The following THEMIS variants were observed in gnomAD, a reference collection of about 807,000 sequenced individuals.
The protein encoded by THEMIS is protein THEMIS.
Under a neutral mutation model 52.6 loss-of-function variants are expected in THEMIS, and 37 were observed. The observed-to-expected ratio is 0.70, with a 90% CI of 0.54 to 0.93. The LOEUF is 0.93. THEMIS is among the 40% of genes least tolerant of loss of function. The pLI, the probability that THEMIS is intolerant of heterozygous loss-of-function variation, is 0.00. For missense variants in THEMIS, 808 were observed against 763.1 expected, an observed-to-expected ratio of 1.06 and a Z score of -0.69; for synonymous variants, 292 against 272.7, an observed-to-expected ratio of 1.07 and a Z score of -0.70.
intron 4 of THEMIS, among the ~76,000 whole-genome samples, chr6:127,737,388 C>T (rs1426130832): frequency 4.6e-5 from 7 of 152,120 alleles, no homozygotes; most frequent in Non-Finnish European, 1.0e-4. Flanking sequence ...CAGTTGGCAC[C>T]TTTTCTTGAT....
chr6:127,719,474 A>G (rs753164393), intron 5 of THEMIS, among the ~76,000 whole-genome samples: 2 of 152,122 alleles, frequency 1.3e-5, no homozygotes, highest in Middle Eastern at 3.4e-3. Flanking sequence ...AAAATCTAAT[A>G]GTGGAAAACA....
intron 1 of THEMIS, among the ~76,000 whole-genome samples, chr6:127,878,539 T>A (rs1338683752): frequency 6.6e-6 from 1 of 152,214 alleles, no homozygotes; most frequent in East Asian, 1.9e-4. Context: ...GGTAAGAGAC[T>A]GATAGCTATC....
chr6:127,808,711 C>T (rs1046100139), intron 4 of THEMIS, among the ~76,000 whole-genome samples: 8 of 152,186 alleles, frequency 5.3e-5, no homozygotes, highest in East Asian at 1.9e-4. Flanking sequence ...TACCCCCACT[C>T]GTGTCCCTGC....
At chr6:127,756,666 T>C (rs546353111) in intron 4 of THEMIS, among the ~76,000 whole-genome samples, 1 of 152,364 alleles carries the variant, frequency 6.6e-6, no homozygotes, top group Non-Finnish European at 1.5e-5. Context: ...TATTTTAATA[T>C]GCAGGTCAAA....
In THEMIS at chr6:127,899,394, A is replaced by G. The variant is rs539321270; in HGVS notation, c.91+1448T>C. Among the ~76,000 whole-genome samples, 8 of 152,076 alleles carry G rather than the reference A, an allele frequency of 5.3e-5. No individual in the cohort carries two copies. In the South Asian group the frequency reaches 1.7e-3, roughly 31 times the overall value. On this transcript the variant is annotated intron_variant, in intron 1 of 5. Transcript: ENST00000368248. ...TTACAAAAATAGTGTGTTTGGGGGC[A>G]GCTAAGAAAAAAAATAAACTAATGG...
At chr6:127,804,110 GAA>G (rs1237025306) in intron 4 of THEMIS, among the ~76,000 whole-genome samples, 6 of 152,008 alleles carry the variant, frequency 3.9e-5, no homozygotes, top group Non-Finnish European at 5.9e-5. Context: ...GACATATATA[GAA>G]AAGAGACCAA....
chr6:127,907,083 C>T (rs1166527143), intron 1 of THEMIS, among the ~76,000 whole-genome samples: 6 of 151,706 alleles, frequency 4.0e-5, no homozygotes, highest in South Asian at 2.1e-4. Context: ...TAGATAGTAT[C>T]GGAAAAAAAC....
Position 127,829,699 on chromosome 6 carries a change from T to A in THEMIS, c.486A>T (p.Ser162=). 6.2e-7 allele frequency: 1 copy of A among 1,614,126 alleles called. No homozygotes were observed. The highest frequency in any genetic ancestry group is 8.5e-7 in the Non-Finnish European group (1 of 1,180,012). The part of the protein sequence containing the change: ...CAVARNHQTH[S]FNLPLSQEGE... ...CTTCTTGTGACAAAGGCAAATTAAA[T>A]GAGTGAGTTTGATGATTCCTTGCTA... is the stretch of plus-strand genomic sequence containing the variant. The change falls in exon 3 of 6, where the codon TCA becomes TCT. Residue 162 remains serine, a synonymous_variant. Transcript: ENST00000368248.
At chr6:127,835,116 C>T (rs1438919477) in intron 2 of THEMIS, among the ~76,000 whole-genome samples, 1 of 151,864 alleles carries the variant, frequency 6.6e-6, no homozygotes, top group Non-Finnish European at 1.5e-5. Flanking sequence ...ATAGAGGTAT[C>T]AGGGCTAGAA....
intron 4 of THEMIS, among the ~76,000 whole-genome samples, chr6:127,803,262 T>A (rs1442876225): frequency 6.6e-6 from 1 of 152,214 alleles, no homozygotes; most frequent in East Asian, 1.9e-4. Context: ...TTTAATACAT[T>A]TATAGATCTG....
At chr6:127,849,406 C>T (rs138531779) in intron 2 of THEMIS, among the ~76,000 whole-genome samples, 11 of 151,846 alleles carry the variant, frequency 7.2e-5, no homozygotes, top group African/African-American at 2.2e-4. Context: ...CTTGGCAATG[C>T]GGGCTCTTTT....
intron 1 of THEMIS, among the ~76,000 whole-genome samples, chr6:127,899,642 T>C (rs1781075053): frequency 6.6e-6 from 1 of 151,724 alleles, no homozygotes. Flanking sequence ...AACCGTAAAG[T>C]TGATAAAAAC....
At chr6:127,775,087 A>G (rs1776516016) in intron 4 of THEMIS, among the ~76,000 whole-genome samples, 2 of 152,270 alleles carry the variant, frequency 1.3e-5, no homozygotes, top group South Asian at 4.1e-4. Context: ...CTGGCTCAGG[A>G]GGCAGGGCAT....
chr6:127,872,921 A>G (rs1360794743), intron 1 of THEMIS, among the ~76,000 whole-genome samples: 1 of 152,224 alleles, frequency 6.6e-6, no homozygotes, highest in East Asian at 1.9e-4. Flanking sequence ...ACAAAACACT[A>G]TTAGAACTAT....
chr6:127,790,759 G>T (rs1053176745), intron 4 of THEMIS, among the ~76,000 whole-genome samples: 3 of 152,220 alleles, frequency 2.0e-5, no homozygotes, highest in Non-Finnish European at 4.4e-5. Context: ...GCACAGAGCG[G>T]TGAGGATTGT....
At chr6:127,861,883 G>A (rs1302333943) in intron 1 of THEMIS, among the ~76,000 whole-genome samples, 1 of 151,592 alleles carries the variant, frequency 6.6e-6, no homozygotes, top group African/African-American at 2.4e-5. Flanking sequence ...TAAGACATTT[G>A]GAGGTCATTA....
intron 4 of THEMIS, among the ~76,000 whole-genome samples, chr6:127,774,953 A>G (rs1206500055): frequency 6.6e-6 from 1 of 152,206 alleles, no homozygotes; most frequent in African/African-American, 2.4e-5. Flanking sequence ...ATGAGGAGAC[A>G]TGATCAAGAG....
intron 1 of THEMIS, among the ~76,000 whole-genome samples, chr6:127,884,882 T>C (rs1780598163): frequency 1.3e-5 from 2 of 152,172 alleles, no homozygotes; most frequent in African/African-American, 4.8e-5. Flanking sequence ...TCACATGGCC[T>C]TTCTTCATTG....
chr6:127,787,850 T>TATAGATAGATAGATAGATAGATAG (rs149637898), intron 4 of THEMIS, among the ~76,000 whole-genome samples: 4 of 137,510 alleles, frequency 2.9e-5, no homozygotes, highest in Admixed American at 7.3e-5. Flanking sequence ...GATAGACAGA[T>TATAGATAGATAGATAGATAGATAG]ATAGATAGAT....
Sources: gnomAD v4.1 joint callset for allele counts (sites outside exome capture counted in the v4.1 genomes callset) on GRCh38, gnomAD v4.1.1 for gene constraint, MANE v1.5 for transcripts, NCBI Gene and HGNC (gene_info 2026-07-23, HGNC 2026-07-21) for gene names.